Variants in MYO3A observed in about 807,000 individuals in gnomAD.
MYO3A encodes the protein myosin IIIA.
MYO3A carries 180 observed loss-of-function variants against 192.7 expected under a neutral mutation model. That is an observed-to-expected ratio of 0.93 (90% CI 0.83 to 1.06). The LOEUF (loss-of-function observed/expected upper bound fraction) is 1.06. Ranked by LOEUF, MYO3A falls within the 50% of genes least tolerant of loss-of-function variation. The probability of loss-of-function intolerance (pLI) is 0.00; values close to 1 mark genes in which losing one functional copy is unlikely to be tolerated. For missense variants in MYO3A, 1,896 were observed against 1,905.0 expected, an observed-to-expected ratio of 1.00 and a Z score of 0.09; for synonymous variants, 628 against 645.3, an observed-to-expected ratio of 0.97 and a Z score of 0.41.
chr10:26,134,951 T>C (rs1839761806), intron 20 of MYO3A, among the ~76,000 whole-genome samples: 1 of 152,236 alleles, frequency 6.6e-6, no homozygotes. Context: ...ATGTAGCTTC[T>C]TTCCTGTTGC....
intron 31 of MYO3A, among the ~76,000 whole-genome samples, chr10:26,179,771 C>T (rs1334248997): frequency 6.6e-6 from 1 of 152,196 alleles, no homozygotes; most frequent in Non-Finnish European, 1.5e-5. Context: ...TTATGATGTT[C>T]ATCTGTCCTA....
At chr10:25,963,514 A>G (rs1838070933) in intron 4 of MYO3A, among the ~76,000 whole-genome samples, 1 of 152,192 alleles carries the variant, frequency 6.6e-6, no homozygotes. Context: ...AGGGAATATA[A>G]AGCCTTTGCG....
In MYO3A at chr10:25,965,959, T is replaced by TTC. The variant is rs537403170; in HGVS notation, c.303+10971_303+10972dup. 4.3e-3 allele frequency among the ~76,000 whole-genome samples: 634 copies of TTC among 148,950 alleles called. 2 individuals carry two copies. Among genetic ancestry groups the TTC allele is most frequent in the African/African-American group, 0.011 (427 of 40,524 alleles). Reference sequence around the variant, plus strand: ...AGGTGATTCAGAACTGTTTTTTTTTTTCTCTCTCTCTCTCTCTCTCTTCAG... The same window carrying TTC: ...AGGTGATTCAGAACTGTTTTTTTTTTTCTCTCTCTCTCTCTCTCTCTCTTCAG... On this transcript the variant is annotated intron_variant, in intron 4 of 34. Transcript: ENST00000642920.
intron 10 of MYO3A, among the ~76,000 whole-genome samples, chr10:26,044,866 T>C (rs562050318): frequency 2.0e-5 from 3 of 152,188 alleles, no homozygotes; most frequent in Non-Finnish European, 2.9e-5. Flanking sequence ...AATTAGCACA[T>C]AACATATAGA....
chr10:26,033,641 C>A (rs1251503418), intron 10 of MYO3A, among the ~76,000 whole-genome samples: 1 of 152,198 alleles, frequency 6.6e-6, no homozygotes, highest in African/African-American at 2.4e-5. Context: ...AGAGGTCTGA[C>A]AGCTGAATCC....
chr10:26,203,069 G>A lies in MYO3A; in HGVS notation c.4692G>A (p.Gln1564=). The A allele has an allele frequency of 6.2e-7, 1 of 1,613,740 alleles. No individual in the cohort carries two copies. Among genetic ancestry groups the A allele is most frequent in the Non-Finnish European group, 8.5e-7 (1 of 1,179,792 alleles). The change falls in exon 34 of 35, where the codon CAG becomes CAA. Residue 1564 remains glutamine, a synonymous_variant. Coordinates refer to ENST00000642920, the MANE Select transcript of MYO3A (RefSeq NM_017433.5). ...HSPSLRERRP[Q]QELQNQCIKA... ...CTAGTTTAAGAGAACGAAGACCACA[G>A]CAAGAACTCCAGAATCAATGTATTA...
At chr10:26,090,908 G>A (rs572422786) in intron 15 of MYO3A, among the ~76,000 whole-genome samples, 26 of 152,354 alleles carry the variant, frequency 1.7e-4, no homozygotes, top group Non-Finnish European at 3.5e-4. Context: ...GGCAGCACTA[G>A]TGCCTGGTGC....
intron 34 of MYO3A, among the ~76,000 whole-genome samples, chr10:26,205,576 G>A (rs532791492): frequency 8.5e-6 from 1 of 118,102 alleles, no homozygotes; most frequent in South Asian, 2.8e-4. Context: ...GTTCACTCGT[G>A]TTGTTAAAAA....
intron 10 of MYO3A, among the ~76,000 whole-genome samples, chr10:26,056,848 A>C (rs1161784389): frequency 6.6e-6 from 1 of 152,188 alleles, no homozygotes; most frequent in African/African-American, 2.4e-5. Context: ...TATCATTTTA[A>C]TCTCTTTAAA....
intron 3 of MYO3A, among the ~76,000 whole-genome samples, chr10:25,953,626 T>C (rs1442736535): frequency 2.0e-5 from 3 of 152,110 alleles, no homozygotes; most frequent in Non-Finnish European, 4.4e-5. Context: ...TCTGGCCCCA[T>C]AGTGTATCTC....
At chr10:26,053,096 G>C (rs1240832004) in intron 10 of MYO3A, among the ~76,000 whole-genome samples, 1 of 152,132 alleles carries the variant, frequency 6.6e-6, no homozygotes, top group African/African-American at 2.4e-5. Context: ...AGAATGGAAA[G>C]AGTGGGAAAG....
At chr10:26,104,907 G>T (rs896123139) in intron 17 of MYO3A, among the ~76,000 whole-genome samples, 1 of 148,846 alleles carries the variant, frequency 6.7e-6, no homozygotes, top group African/African-American at 2.5e-5. Context: ...CCATGCAGAT[G>T]TTGACACATG....
intron 14 of MYO3A, among the ~76,000 whole-genome samples, chr10:26,076,281 C>A (rs917646049): frequency 6.6e-6 from 1 of 152,004 alleles, no homozygotes; most frequent in Admixed American, 6.6e-5. Flanking sequence ...TGTTTGTTGG[C>A]CATTTTTACA....
intron 4 of MYO3A, among the ~76,000 whole-genome samples, chr10:25,974,419 T>C (rs1838853641): frequency 6.6e-6 from 1 of 152,162 alleles, no homozygotes; most frequent in Non-Finnish European, 1.5e-5. Flanking sequence ...TTTTCAAGAG[T>C]ACTCTTAGGC....
intron 2 of MYO3A, among the ~76,000 whole-genome samples, chr10:25,941,927 T>C (rs1836517704): frequency 6.6e-6 from 1 of 152,144 alleles, no homozygotes; most frequent in South Asian, 2.1e-4. Context: ...ATACATGTTG[T>C]AGTATGTGTC....
At chr10:25,999,349 ATAT>A (rs1352800096) in intron 6 of MYO3A, among the ~76,000 whole-genome samples, 6 of 152,212 alleles carry the variant, frequency 3.9e-5, no homozygotes, top group Admixed American at 2.6e-4. Flanking sequence ...TGACACCAAA[ATAT>A]TATTAATTAC....
chr10:25,965,053 G>A (rs1173317556), intron 4 of MYO3A, among the ~76,000 whole-genome samples: 1 of 152,160 alleles, frequency 6.6e-6, no homozygotes, highest in African/African-American at 2.4e-5. Context: ...ACCTTTGGAA[G>A]TTTGATTATT....
intron 17 of MYO3A, among the ~76,000 whole-genome samples, chr10:26,114,553 T>C (rs1248986050): frequency 6.6e-6 from 1 of 151,760 alleles, no homozygotes; most frequent in Non-Finnish European, 1.5e-5. Context: ...GGATGCAAAG[T>C]TTGACGTCAA....
At chr10:25,946,521 T>C (rs953125366) in intron 2 of MYO3A, among the ~76,000 whole-genome samples, 9 of 100,832 alleles carry the variant, frequency 8.9e-5, no homozygotes, top group African/African-American at 3.2e-4. Context: ...TAAGTTTCCC[T>C]TTTTTTTTTT....
Sources: allele counts gnomAD v4.1 joint callset (sites outside exome capture counted in the v4.1 genomes callset), GRCh38; gene constraint gnomAD v4.1.1; transcripts MANE v1.5; gene names NCBI Gene and HGNC (gene_info 2026-07-23, HGNC 2026-07-21).